The following RBIS variants were observed in gnomAD, a reference collection of about 807,000 sequenced individuals.
RBIS encodes the protein ribosomal biogenesis factor, also known as ribosome biogenesis factor identified in screen.
Under a neutral mutation model 9.8 loss-of-function variants are expected in RBIS, and 9 were observed. The ratio of observed to expected loss-of-function variants is 0.92; its 90% CI spans 0.56 to 1.61. The LOEUF (loss-of-function observed/expected upper bound fraction) is 1.61. RBIS is among the 40% of genes most tolerant of loss of function. The pLI, the probability that RBIS is intolerant of heterozygous loss-of-function variation, is 0.00. For missense variants in RBIS, 103 were observed against 116.0 expected (o/e 0.89, Z 0.51); for synonymous variants, 35 against 37.9 (o/e 0.92, Z 0.28).
At chr8:85,219,607 C>T (rs1045977372) in intron 1 of RBIS, among the ~76,000 whole-genome samples, 4 of 151,878 alleles carry the variant, frequency 2.6e-5, no homozygotes, top group African/African-American at 7.3e-5. Context: ...TAAAATTAGC[C>T]GGGCGTGGTG....
Position 85,214,995 on chromosome 8 carries a change from CTTTA to C in RBIS, c.153_156del (p.Asn51LysfsTer4). The C allele has an allele frequency of 6.4e-7, 1 of 1,570,494 alleles. No homozygotes were observed. Among genetic ancestry groups the C allele is most frequent in the African/African-American group, 1.3e-5 (1 of 74,138 alleles). On this transcript the variant is annotated frameshift_variant, in exon 3 of 4. Transcript: ENST00000619594. LOFTEE classifies it high-confidence loss of function. ...AGTTCCTTTTGTACATTTACAAAAGCTTTATTTACTCTGTTAACTTTTTCCTCAT... is the reference window on the plus strand; with the variant it reads ...AGTTCCTTTTGTACATTTACAAAAGCTTTACTCTGTTAACTTTTTCCTCAT...
At chr8:85,217,596 T>C in intron 1 of RBIS, 94 bp from the exon 2 acceptor site, 1 of 751,694 alleles carries the variant, frequency 1.3e-6, no homozygotes, top group Non-Finnish European at 2.3e-6. Context: ...TCTAAAAAAT[T>C]CTATCTTACT....
intron 2 of RBIS, 53 bp downstream of exon 2, chr8:85,217,333 C>G: frequency 2.9e-6 from 3 of 1,039,864 alleles, no homozygotes; most frequent in Non-Finnish European, 4.6e-6. Context: ...CAGTAGCTTA[C>G]AATGACACTT....
rs757741384 is a variant in RBIS, at chr8:85,217,411, T to C, written c.89A>G (p.Lys30Arg). 6.2e-7 allele frequency: 1 copy of C among 1,608,286 alleles called. No homozygotes were observed. The highest frequency in any genetic ancestry group is 1.7e-5 in the Admixed American group (1 of 60,020). Residue 30 changes from lysine to arginine, a missense_variant, in exon 2 of 4, where the codon AAA (lysine) becomes AGA (arginine). By Grantham distance (26) the Lys-to-Arg change is conservative. Transcript: ENST00000619594. Reference sequence around the variant, plus strand: ...CTTCTTAAGATTAGTGGTAACTGGTTTTGCTTTGTTTTTAGCCTTAAAGTT... The same window carrying C: ...CTTCTTAAGATTAGTGGTAACTGGTCTTGCTTTGTTTTTAGCCTTAAAGTT... ...QKNFKAKNKA[K>R]PVTTNLKKIN... is the part of the protein sequence containing the mutation.
At chr8:85,217,013 A>G (rs1196799941) in intron 2 of RBIS, 3 of 326,376 alleles carry the variant, frequency 9.2e-6, no homozygotes, top group African/African-American at 2.1e-5. Context: ...CTGAGGAGAA[A>G]AAGAATGGGT....
chr8:85,218,140 T>C (rs1382132604), intron 1 of RBIS, among the ~76,000 whole-genome samples: 1 of 152,242 alleles, frequency 6.6e-6, no homozygotes, highest in Non-Finnish European at 1.5e-5. Flanking sequence ...TAATAATGTA[T>C]ATGAGGAATA....
chr8:85,220,353 A>C lies in RBIS; in HGVS notation c.-51T>G, dbSNP rs1040431028. On this transcript the variant is annotated 5_prime_UTR_variant, in exon 1 of 4. The change abolishes an upstream ATG in the 5' untranslated region. Coordinates refer to ENST00000619594, the MANE Select transcript of RBIS (RefSeq NM_001099673.3). The stretch of plus-strand genomic sequence containing the variant: ...AGCTTTTTAAGCTCCAGGTAACACC[A>C]TCTGGCACGTACGGCGTCTAGGAAG... 5 of 152,274 alleles carry C rather than the reference A, an allele frequency of 3.3e-5. 1 individual carries two copies. Among genetic ancestry groups the C allele is most frequent in the Non-Finnish European group, 5.9e-5 (4 of 68,056 alleles). The allele number at this position is 152,274 out of a possible 1,614,324, so 9.4% of individuals were successfully genotyped here. A position where few individuals can be genotyped will look rare whatever the true frequency, so the allele number is the denominator to read the frequency against.
intron 3 of RBIS, 108 bp from the exon 4 acceptor site, chr8:85,214,739 G>T: frequency 1.2e-6 from 1 of 835,498 alleles, no homozygotes; most frequent in Non-Finnish European, 2.0e-6. Flanking sequence ...TTTGGAAGTA[G>T]AACAATCTGT....
Position 85,214,103 on chromosome 8 carries a change from T to C in RBIS, c.*457A>G. Reference sequence around the variant, plus strand: ...ACGTCCCCACTCCCAAAAGTAACTATATTCTGGATTTCAACTTTTCTTCTA... The same window carrying C: ...ACGTCCCCACTCCCAAAAGTAACTACATTCTGGATTTCAACTTTTCTTCTA... On this transcript the variant is annotated 3_prime_UTR_variant, in exon 4 of 4. Coordinates refer to ENST00000619594, the MANE Select transcript of RBIS (RefSeq NM_001099673.3). 2 of 577,780 alleles carry C rather than the reference T, an allele frequency of 3.5e-6. No individual in the cohort carries two copies. The highest frequency in any genetic ancestry group is 3.8e-5 in the East Asian group (1 of 26,190). 35.8% of individuals were successfully genotyped at this position (577,780 alleles called of 1,614,324 possible).
At chr8:85,218,438 G>A (rs1484120010) in intron 1 of RBIS, among the ~76,000 whole-genome samples, 2 of 151,946 alleles carry the variant, frequency 1.3e-5, no homozygotes. Context: ...CAAAAAAATG[G>A]TATAGTATTG....
In RBIS at chr8:85,214,974, C is replaced by T; in HGVS notation, c.178G>A (p.Glu60Lys). 1 of 1,593,038 alleles carries T rather than the reference C, an allele frequency of 6.3e-7. No homozygotes were observed. The highest frequency in any genetic ancestry group is 8.6e-7 in the Non-Finnish European group (1 of 1,167,012). The stretch of plus-strand genomic sequence containing the variant: ...ATGCTTTTTGCGAAATGTGCAAGTT[C>T]CTTTTGTACATTTACAAAAGCTTTA... ...VNKAFVNVQK[E>K]LAHFAKSISL... The change falls in exon 3 of 4, where the codon GAA (glutamate) becomes AAA (lysine). Residue 60 changes from glutamate to lysine, a missense_variant. Coordinates refer to ENST00000619594, the MANE Select transcript of RBIS (RefSeq NM_001099673.3).
At chr8:85,218,848 T>G (rs1228879174) in intron 1 of RBIS, 1 of 152,028 alleles carries the variant, frequency 6.6e-6, no homozygotes, top group African/African-American at 2.4e-5. Context: ...ATTAATTAAT[T>G]AAAAAATAAA....
rs756790167 is a variant in RBIS, at chr8:85,214,894, A to G, written c.231+27T>C. Reference sequence around the variant, plus strand: ...TTATTAGCCTCAATTTGTTAGCCATAAAAAAAAGCAAATGATTTCTGCTTA... The same window carrying G: ...TTATTAGCCTCAATTTGTTAGCCATGAAAAAAAGCAAATGATTTCTGCTTA... On this transcript the variant is annotated intron_variant, in intron 3 of 3. Transcript: ENST00000619594. 8 of 1,234,828 alleles carry G rather than the reference A, an allele frequency of 6.5e-6. No homozygotes were observed. The Admixed American group carries it at 6.6e-5, about 10-fold the overall frequency. The allele number at this position is 1,234,828 out of a possible 1,614,324, so 76.5% of individuals were successfully genotyped here.
chr8:85,217,553 G>T, intron 1 of RBIS, 51 bp from the exon 2 acceptor site: 1 of 1,192,824 alleles, frequency 8.4e-7, no homozygotes. Context: ...TGAACCGTAA[G>T]TCAATTTTAA....
At chr8:85,215,901 A>G (rs1352809979) in intron 2 of RBIS, 1 of 152,168 alleles carries the variant, frequency 6.6e-6, no homozygotes, top group East Asian at 1.9e-4. Context: ...AGTTGGGGAG[A>G]GGCTTAGGAC....
rs761859119 is a variant in RBIS at position 85,214,996 on chromosome 8, T to C, written c.156A>G (p.Lys52=). ...GTTCCTTTTGTACATTTACAAAAGC[T>C]TTATTTACTCTGTTAACTTTTTCCT... The part of the protein sequence containing the change: ...MNEEKVNRVN[K]AFVNVQKELA... The change falls in exon 3 of 4, where the codon AAA becomes AAG. Residue 52 remains lysine, a synonymous_variant. Transcript: ENST00000619594. 4 of 1,572,560 alleles carry C rather than the reference T, an allele frequency of 2.5e-6. No individual in the cohort carries two copies. The Admixed American group carries it at 5.3e-5, about 21-fold the overall frequency.
chr8:85,214,577 A>C lies in RBIS; in HGVS notation c.286T>G (p.Leu96Val). Residue 96 changes from leucine (L) to valine (V), a missense_variant, in exon 4 of 4, where the codon TTA (leucine) becomes GTA (valine). Transcript: ENST00000619594. ...KPVNVDEATR[L>V]MALL The stretch of plus-strand genomic sequence containing the variant: ...CCAGTATATTACAACAGAGCCATTA[A>C]TCTTGTAGCTTCATCAACATTAACT... 6.3e-7 allele frequency: 1 copy of C among 1,575,894 alleles called. No individual in the cohort carries two copies. The highest frequency in any genetic ancestry group is 8.7e-7 in the Non-Finnish European group (1 of 1,145,852).
chr8:85,217,365 G>C, intron 2 of RBIS, 21 bp downstream of exon 2: 5 of 1,311,126 alleles, frequency 3.8e-6, no homozygotes, highest in Non-Finnish European at 5.5e-6. Context: ...AATAAAGTCA[G>C]AGTGCTTAAC....
intron 3 of RBIS, 31 bp downstream of exon 3, chr8:85,214,890 C>T (rs1386711223): frequency 1.7e-6 from 2 of 1,164,534 alleles, no homozygotes; most frequent in Admixed American, 4.4e-5. Context: ...AATTTGTTAG[C>T]CATAAAAAAA....
Sources: gnomAD v4.1 joint callset for allele counts (sites outside exome capture counted in the v4.1 genomes callset) on GRCh38, gnomAD v4.1.1 for gene constraint, MANE v1.5 for transcripts, NCBI Gene and HGNC (gene_info 2026-07-23, HGNC 2026-07-21) for gene names.